COL21A1: variants seen among roughly 807,000 people sequenced by gnomAD.
The protein encoded by COL21A1 is collagen type XXI alpha 1 chain.
In COL21A1, 149 loss-of-function variants were observed where a neutral mutation model predicts 137.9. The observed-to-expected ratio is 1.08, with a 90% CI of 0.95 to 1.24. The LOEUF is 1.24. Ranked by LOEUF, COL21A1 falls within the 50% of genes most tolerant of loss-of-function variation. The pLI is 0.00. For missense variants in COL21A1, 1,167 were observed against 1,158.4 expected (o/e 1.01, Z -0.11); for synonymous variants, 456 against 391.5 (o/e 1.16, Z -1.95).
intron 1 of COL21A1, among the ~76,000 whole-genome samples, chr6:56,351,851 TAG>T (rs1765717885): frequency 6.6e-6 from 1 of 152,178 alleles, no homozygotes; most frequent in South Asian, 2.1e-4. Context: ...TAACAAGACA[TAG>T]AGTCTTACAA....
In COL21A1 at chr6:56,076,351, TA is replaced by T. The variant is rs1159511602; in HGVS notation, c.1858-820del. Reference sequence around the variant, plus strand: ...TTAAGATGAAGCAATGAGCTCATGATAAACAATATAGAAACAAGAGACAGCA... The same window carrying T: ...TTAAGATGAAGCAATGAGCTCATGATAACAATATAGAAACAAGAGACAGCA... On this transcript the variant is annotated intron_variant, in intron 18 of 29. Transcript: ENST00000244728. 2.6e-5 allele frequency among the ~76,000 whole-genome samples: 4 copies of T among 151,358 alleles called. No homozygotes were observed. In the Admixed American group the frequency reaches 2.6e-4, roughly 10 times the overall value.
chr6:56,248,999 A>G (rs1049605322), upstream of COL21A1, among the ~76,000 whole-genome samples: 1 of 152,232 alleles, frequency 6.6e-6, no homozygotes, highest in Non-Finnish European at 1.5e-5. Context: ...ATACAATTAG[A>G]TTCTTGTGTC....
chr6:56,278,686 A>G (rs1048482169), intron 1 of COL21A1, among the ~76,000 whole-genome samples: 21 of 152,208 alleles, frequency 1.4e-4, no homozygotes, highest in Admixed American at 9.8e-4. Flanking sequence ...TGAACAGATC[A>G]TGGTCACAAT....
At chr6:56,142,081 G>A in intron 10 of COL21A1, 98 bp from the exon 11 acceptor site, 2 of 855,082 alleles carry the variant, frequency 2.3e-6, no homozygotes, top group Non-Finnish European at 3.6e-6. Context: ...AGTTTCTCAT[G>A]CCTAAAACTT....
At chr6:56,245,479 T>A (rs1782587299) in intron 1 of COL21A1, among the ~76,000 whole-genome samples, 1 of 152,218 alleles carries the variant, frequency 6.6e-6, no homozygotes, top group South Asian at 2.1e-4. Context: ...TAATCATGTA[T>A]CAACATAGAT....
At chr6:56,287,132 T>C (rs4128444) in intron 1 of COL21A1, among the ~76,000 whole-genome samples, 104,340 of 152,106 alleles carry the variant, frequency 0.69, 36,836 homozygotes, top group African/African-American at 0.76. Flanking sequence ...CTAAAAGATA[T>C]GAAAGACATG....
At chr6:56,135,949 T>C (rs1773966113) in intron 12 of COL21A1, among the ~76,000 whole-genome samples, 1 of 152,212 alleles carries the variant, frequency 6.6e-6, no homozygotes, top group African/African-American at 2.4e-5. Context: ...AATTCATCCT[T>C]AACTCATTCC....
chr6:56,327,004 C>T (rs6910900), intron 1 of COL21A1, among the ~76,000 whole-genome samples: 27,679 of 151,860 alleles, frequency 0.18, 3,759 homozygotes, highest in African/African-American at 0.38. Context: ...CTTATAGAGA[C>T]GCATATATCT....
intron 1 of COL21A1, among the ~76,000 whole-genome samples, chr6:56,211,022 T>TG (rs1780123527): frequency 6.6e-6 from 1 of 151,620 alleles, no homozygotes; most frequent in Non-Finnish European, 1.5e-5. Context: ...AGTAGCAAGG[T>TG]GGTTGTGTTT....
intron 1 of COL21A1, among the ~76,000 whole-genome samples, chr6:56,369,845 T>C (rs1189175428): frequency 6.6e-6 from 1 of 152,148 alleles, no homozygotes; most frequent in Non-Finnish European, 1.5e-5. Flanking sequence ...CAAAACCAAT[T>C]GATATTCAGA....
chr6:56,145,576 C>T (rs1031347465), intron 10 of COL21A1, among the ~76,000 whole-genome samples: 1 of 152,062 alleles, frequency 6.6e-6, no homozygotes, highest in African/African-American at 2.4e-5. Context: ...TTGGTTGACT[C>T]ATAGCAGGGT....
intron 1 of COL21A1, among the ~76,000 whole-genome samples, chr6:56,374,484 G>C (rs975840196): frequency 6.6e-6 from 1 of 152,026 alleles, no homozygotes; most frequent in Non-Finnish European, 1.5e-5. Context: ...TATTACATTG[G>C]GAGGCCCAGG....
intron 16 of COL21A1, among the ~76,000 whole-genome samples, chr6:56,103,832 A>T (rs934852263): frequency 6.6e-6 from 1 of 152,174 alleles, no homozygotes; most frequent in African/African-American, 2.4e-5. Context: ...GTGGACCCCA[A>T]CCCAGAGTTC....
intron 1 of COL21A1, among the ~76,000 whole-genome samples, chr6:56,393,024 C>A (rs1198034521): frequency 6.7e-6 from 1 of 149,234 alleles, no homozygotes; most frequent in Non-Finnish European, 1.5e-5. Flanking sequence ...CCACAAAAGA[C>A]CCAGGATAAC....
intron 1 of COL21A1, among the ~76,000 whole-genome samples, chr6:56,230,273 T>C (rs1732589360): frequency 1.3e-5 from 2 of 151,934 alleles, no homozygotes; most frequent in Admixed American, 1.3e-4. Flanking sequence ...CTTGTATCAA[T>C]CTCAAAGAAC....
At chr6:56,310,081 T>A (rs1764572651) in intron 1 of COL21A1, among the ~76,000 whole-genome samples, 1 of 152,148 alleles carries the variant, frequency 6.6e-6, no homozygotes, top group Non-Finnish European at 1.5e-5. Context: ...TAAAGTCAAG[T>A]ATCAAAATCC....
intron 9 of COL21A1, among the ~76,000 whole-genome samples, chr6:56,161,278 C>A (rs761416759): frequency 3.3e-5 from 5 of 152,186 alleles, no homozygotes; most frequent in Non-Finnish European, 5.9e-5. Flanking sequence ...CTTCTTTCCA[C>A]TTCTGACCTA....
chr6:56,097,936 A>AATATATATAAATATATAAATATATAT (rs1562188708), intron 17 of COL21A1, among the ~76,000 whole-genome samples: 1 of 43,262 alleles, frequency 2.3e-5, no homozygotes, highest in African/African-American at 1.3e-4. Context: ...TAAATATATA[A>AATATATATAAATATATAAATATATAT]AAATATATAT....
At chr6:56,336,203 C>T (rs772535304) in intron 1 of COL21A1, among the ~76,000 whole-genome samples, 8 of 152,180 alleles carry the variant, frequency 5.3e-5, no homozygotes, top group Non-Finnish European at 1.2e-4. Context: ...AAATCAAGAC[C>T]TCTGGGGCTG....
Sources: allele counts gnomAD v4.1 joint callset (sites outside exome capture counted in the v4.1 genomes callset), GRCh38; gene constraint gnomAD v4.1.1; transcripts MANE v1.5; gene names NCBI Gene and HGNC (gene_info 2026-07-23, HGNC 2026-07-21).